ODAD2: variants seen among roughly 807,000 people sequenced by gnomAD.
ODAD2 encodes outer dynein arm docking complex subunit 2, also known as outer dynein arm-docking complex subunit 2.
In ODAD2, 89 loss-of-function variants were observed where a neutral mutation model predicts 106.8. The ratio of observed to expected loss-of-function variants is 0.83; its 90% CI spans 0.70 to 0.99. ODAD2 has a LOEUF of 0.99. Among genes scored for constraint, ODAD2 ranks in the 50% least tolerant of loss-of-function variants. ODAD2 has a pLI of 0.00. For missense variants in ODAD2, 1,168 were observed against 1,238.5 expected (o/e 0.94, Z 0.85); for synonymous variants, 404 against 436.2 (o/e 0.93, Z 0.92).
intron 17 of ODAD2, among the ~76,000 whole-genome samples, chr10:27,892,849 C>G (rs879782833): frequency 2.0e-5 from 3 of 152,134 alleles, no homozygotes; most frequent in Non-Finnish European, 2.9e-5. Flanking sequence ...ATGTTTCCAA[C>G]AAGAAAAGAT....
At position 27,970,200 on chromosome 10, in the gene ODAD2, T is replaced by G. The variant is rs1305740809; in HGVS notation, c.1142+908A>C. Among the ~76,000 whole-genome samples the G allele has an allele frequency of 5.9e-5, 9 of 152,134 alleles. No homozygotes were observed. In the East Asian group the frequency reaches 1.7e-3, roughly 29 times the overall value. On this transcript the variant is annotated intron_variant, in intron 8 of 19. Coordinates refer to ENST00000305242, the MANE Select transcript of ODAD2 (RefSeq NM_018076.5). ...CATTTACGTAGCATTGGCCCTCAAT[T>G]TTTGCTTTGACGCCTGTTTATAGAA...
chr10:27,815,285 TA>T (rs1836042144), intron 19 of ODAD2, among the ~76,000 whole-genome samples: 1 of 152,214 alleles, frequency 6.6e-6, no homozygotes, highest in South Asian at 2.1e-4. Context: ...TCTTCCTTTC[TA>T]ATGATTCCAT....
chr10:27,812,479 A>G lies in ODAD2; in HGVS notation c.*33T>C. The G allele has an allele frequency of 5.0e-6, 8 of 1,607,646 alleles. No homozygotes were observed. Among genetic ancestry groups the G allele is most frequent in the African/African-American group, 1.3e-5 (1 of 74,840 alleles). On this transcript the variant is annotated 3_prime_UTR_variant, in exon 20 of 20. Transcript: ENST00000305242. ...GGGAGTGACATGTCCTGTGTCATGT[A>G]GAATTTGATAGCTTGTAATGTCCAT...
At chr10:27,870,234 C>T (rs1052447573) in intron 17 of ODAD2, among the ~76,000 whole-genome samples, 13 of 152,038 alleles carry the variant, frequency 8.6e-5, no homozygotes, top group African/African-American at 3.1e-4. Flanking sequence ...TCTTTTCTCT[C>T]CCAATCTCAA....
intron 10 of ODAD2, among the ~76,000 whole-genome samples, chr10:27,958,398 A>G (rs11006785): frequency 0.039 from 5,936 of 152,126 alleles, 142 homozygotes; most frequent in Middle Eastern, 0.062. Flanking sequence ...CACTGGGAGG[A>G]TATTATTGAG....
intron 14 of ODAD2, among the ~76,000 whole-genome samples, chr10:27,938,810 G>A (rs1358097960): frequency 6.6e-6 from 1 of 152,026 alleles, no homozygotes; most frequent in African/African-American, 2.4e-5. Context: ...ATGTTGGCCA[G>A]GCTGGTCTTG....
rs556371991 is a variant in ODAD2, at chr10:27,939,914, C to A, written c.2080G>T (p.Ala694Ser). The change falls in exon 14 of 20, where the codon GCC becomes TCC. Residue 694 changes from alanine (A) to serine (S), a missense_variant. Transcript: ENST00000305242. ...CACTGCACCTGGTAAATGGCCATGGCGCAGTGCTCCTGCAGCTGCTCATTC... is the reference window on the plus strand; with the variant it reads ...CACTGCACCTGGTAAATGGCCATGGAGCAGTGCTCCTGCAGCTGCTCATTC... ...SENEQLQEHC[A>S]MAIYQCAEDK... The A allele has an allele frequency of 1.2e-6, 2 of 1,604,954 alleles. No homozygotes were observed. The highest frequency in any genetic ancestry group is 1.7e-6 in the Non-Finnish European group (2 of 1,175,006).
intron 19 of ODAD2, among the ~76,000 whole-genome samples, chr10:27,838,167 A>G (rs1838044488): frequency 6.6e-6 from 1 of 152,258 alleles, no homozygotes; most frequent in African/African-American, 2.4e-5. Context: ...TTTTGTATTT[A>G]ACAGGATTGC....
intron 14 of ODAD2, 24 bp downstream of exon 14, chr10:27,939,873 A>C: frequency 1.6e-4 from 239 of 1,464,014 alleles, no homozygotes; most frequent in Non-Finnish European, 2.0e-4. Flanking sequence ...GAACGCCAAC[A>C]ACCGCTGGGA....
rs576126488 is a variant in ODAD2 at position 27,967,478 on chromosome 10, T to G, written c.1238+1445A>C. Reference sequence around the variant, plus strand: ...CAGAAATAATGAGGACTCCCTTGCCTGACCCCCCAGGCATCAGTGAAGGCC... The same window carrying G: ...CAGAAATAATGAGGACTCCCTTGCCGGACCCCCCAGGCATCAGTGAAGGCC... On this transcript the variant is annotated intron_variant, in intron 9 of 19. Coordinates refer to ENST00000305242, the MANE Select transcript of ODAD2 (RefSeq NM_018076.5). Among the ~76,000 whole-genome samples the G allele has an allele frequency of 8.1e-3, 1,238 of 152,326 alleles. 9 individuals carry two copies. The highest frequency in any genetic ancestry group is 0.028 in the African/African-American group (1,176 of 41,574).
chr10:27,924,737 A>G (rs937311691), intron 16 of ODAD2, among the ~76,000 whole-genome samples: 2 of 151,108 alleles, frequency 1.3e-5, no homozygotes, highest in Non-Finnish European at 3.0e-5. Context: ...ATTAGTTTGC[A>G]GGCCACTATT....
At chr10:27,881,964 G>A (rs1309071631) in intron 17 of ODAD2, among the ~76,000 whole-genome samples, 1 of 151,732 alleles carries the variant, frequency 6.6e-6, no homozygotes, top group African/African-American at 2.4e-5. Flanking sequence ...CCAGAAGTTC[G>A]AGACCAGACT....
At chr10:27,947,771 T>A (rs1847041349) in intron 10 of ODAD2, among the ~76,000 whole-genome samples, 1 of 152,166 alleles carries the variant, frequency 6.6e-6, no homozygotes, top group South Asian at 2.1e-4. Flanking sequence ...CATGGAACAG[T>A]GTGTCATACC....
chr10:27,814,689 C>T (rs183703275), intron 19 of ODAD2, among the ~76,000 whole-genome samples: 49 of 152,322 alleles, frequency 3.2e-4, no homozygotes, highest in Admixed American at 1.1e-3. Context: ...AACCATCTTC[C>T]GTCTTTGCTT....
intron 16 of ODAD2, among the ~76,000 whole-genome samples, chr10:27,916,890 G>C (rs1844413881): frequency 6.6e-6 from 1 of 151,986 alleles, no homozygotes; most frequent in Admixed American, 6.6e-5. Flanking sequence ...TGTTGTTCAA[G>C]GGACAGCTCT....
Position 27,939,919 on chromosome 10 carries a change from T to C in ODAD2, c.2075A>G (p.His692Arg). 2 of 1,608,712 alleles carry C rather than the reference T, an allele frequency of 1.2e-6. No homozygotes were observed. The highest frequency in any genetic ancestry group is 1.7e-6 in the Non-Finnish European group (2 of 1,177,394). ...LNSENEQLQE[H>R]CAMAIYQCAE... is the part of the protein sequence containing the mutation. ...CACCTGGTAAATGGCCATGGCGCAG[T>C]GCTCCTGCAGCTGCTCATTCTCACT... Residue 692 changes from histidine to arginine, a missense_variant, in exon 14 of 20, where the codon CAC (histidine) becomes CGC (arginine). Physicochemically the swap from His to Arg is conservative, Grantham distance 29. Transcript: ENST00000305242.
chr10:27,848,214 C>A (rs1838941097), intron 19 of ODAD2, among the ~76,000 whole-genome samples: 1 of 152,018 alleles, frequency 6.6e-6, no homozygotes, highest in Non-Finnish European at 1.5e-5. Flanking sequence ...GTACTGGTAC[C>A]AAAACAGAGA....
chr10:27,848,982 A>G (rs920027111), intron 19 of ODAD2, among the ~76,000 whole-genome samples: 8 of 152,240 alleles, frequency 5.3e-5, no homozygotes, highest in Non-Finnish European at 5.9e-5. Context: ...ACCATTGTGG[A>G]AGACAGTGTG....
At chr10:27,868,158 A>T (rs1840590514) in intron 17 of ODAD2, among the ~76,000 whole-genome samples, 1 of 152,232 alleles carries the variant, frequency 6.6e-6, no homozygotes, top group African/African-American at 2.4e-5. Context: ...GAGAATGACG[A>T]TCATTAAAAA....
Sources: gnomAD v4.1 joint callset for allele counts (sites outside exome capture counted in the v4.1 genomes callset) on GRCh38, gnomAD v4.1.1 for gene constraint, MANE v1.5 for transcripts, NCBI Gene and HGNC (gene_info 2026-07-23, HGNC 2026-07-21) for gene names.